Variants in ZHX2 observed in about 807,000 individuals in gnomAD.
The protein encoded by ZHX2 is zinc fingers and homeoboxes protein 2.
ZHX2 carries 6 observed loss-of-function variants against 21.9 expected under a neutral mutation model. The observed-to-expected ratio is 0.27, with a 90% CI of 0.15 to 0.54. The LOEUF (loss-of-function observed/expected upper bound fraction) is 0.54. ZHX2 is among the 20% of genes least tolerant of loss of function. ZHX2 has a pLI of 0.95. For missense variants in ZHX2, 908 were observed against 1,090.7 expected (o/e 0.83, Z 2.36); for synonymous variants, 434 against 437.1 (o/e 0.99, Z 0.09).
At chr8:122,956,514 A>T (rs1237371542) in intron 3 of ZHX2, among the ~76,000 whole-genome samples, 1 of 152,122 alleles carries the variant, frequency 6.6e-6, no homozygotes, top group Non-Finnish European at 1.5e-5. Flanking sequence ...AGGGGATGAG[A>T]AGGAGTTAGC....
intron 2 of ZHX2, among the ~76,000 whole-genome samples, chr8:122,889,914 G>A (rs58105748): frequency 0.049 from 7,489 of 152,108 alleles, 605 homozygotes; most frequent in African/African-American, 0.17. Context: ...CCATTCTGAA[G>A]GCTGTTACTT....
intron 2 of ZHX2, among the ~76,000 whole-genome samples, chr8:122,916,323 C>G (rs1332033387): frequency 6.6e-6 from 1 of 152,176 alleles, no homozygotes; most frequent in Non-Finnish European, 1.5e-5. Context: ...CCTTTTGAGC[C>G]ATCGAGGCTG....
intron 2 of ZHX2, among the ~76,000 whole-genome samples, chr8:122,868,986 A>G (rs1229932521): frequency 2.0e-5 from 3 of 152,192 alleles, no homozygotes; most frequent in Non-Finnish European, 4.4e-5. Flanking sequence ...ATTGAGTGAG[A>G]GCTGGGGCTC....
chr8:122,882,559 C>T (rs1819738293), intron 2 of ZHX2, among the ~76,000 whole-genome samples: 1 of 152,136 alleles, frequency 6.6e-6, no homozygotes, highest in Non-Finnish European at 1.5e-5. Context: ...CCCAAATTCC[C>T]AGAAACAACA....
At chr8:122,908,169 G>C (rs1225683855) in intron 2 of ZHX2, among the ~76,000 whole-genome samples, 1 of 152,088 alleles carries the variant, frequency 6.6e-6, no homozygotes, top group Admixed American at 6.5e-5. Flanking sequence ...GTGAGAGTTG[G>C]AGCATTGTGT....
chr8:122,861,035 CAAAAA>C (rs36046690), intron 1 of ZHX2, among the ~76,000 whole-genome samples: 1 of 66,770 alleles, frequency 1.5e-5, no homozygotes, highest in African/African-American at 6.2e-5. Flanking sequence ...GACTTCGTCT[CAAAAA>C]AAAAAAAAAA....
At chr8:122,790,395 T>C (rs1016570264) in intron 1 of ZHX2, among the ~76,000 whole-genome samples, 4 of 152,158 alleles carry the variant, frequency 2.6e-5, no homozygotes, top group African/African-American at 9.7e-5. Flanking sequence ...CCCGCTTTGA[T>C]TCCTCTTTCC....
At chr8:122,842,637 G>A (rs1204416041) in intron 1 of ZHX2, among the ~76,000 whole-genome samples, 9 of 152,152 alleles carry the variant, frequency 5.9e-5, no homozygotes, top group Non-Finnish European at 1.2e-4. Flanking sequence ...AACCCGGGAG[G>A]CGGAGCTGGC....
intron 3 of ZHX2, among the ~76,000 whole-genome samples, chr8:122,966,561 T>C (rs1813590749): frequency 6.6e-6 from 1 of 152,220 alleles, no homozygotes; most frequent in Non-Finnish European, 1.5e-5. Flanking sequence ...GGTTACCTGA[T>C]GCTTTTGCCT....
chr8:122,858,721 A>G (rs1586333332), intron 1 of ZHX2, among the ~76,000 whole-genome samples: 1 of 144,472 alleles, frequency 6.9e-6, no homozygotes, highest in Admixed American at 7.2e-5. Flanking sequence ...GCTCACTGCA[A>G]CCTCCATCTC....
At chr8:122,836,750 GCT>G (rs1818508494) in intron 1 of ZHX2, among the ~76,000 whole-genome samples, 2 of 152,230 alleles carry the variant, frequency 1.3e-5, no homozygotes, top group Non-Finnish European at 2.9e-5. Flanking sequence ...CTTTCTTCCT[GCT>G]TCTGCTATTT....
chr8:122,949,347 G>C (rs950403759), intron 2 of ZHX2, among the ~76,000 whole-genome samples: 18 of 151,828 alleles, frequency 1.2e-4, no homozygotes, highest in Non-Finnish European at 1.9e-4. Context: ...GAAAATGATA[G>C]ACTGGGAAAA....
chr8:122,937,933 G>GTTTTTTTT lies in ZHX2; in HGVS notation c.-219-13345_-219-13338dup, dbSNP rs71310636. ...ATTATGTTTCCTGGTTTTCTTTTTG[G>GTTTTTTTT]TTTTTTTTTTTTTTTTTTTTTGAGA... On this transcript the variant is annotated intron_variant, in intron 2 of 3. Coordinates refer to ENST00000314393, the MANE Select transcript of ZHX2 (RefSeq NM_014943.5). Among the ~76,000 whole-genome samples, 277 of 73,376 alleles carry GTTTTTTTT rather than the reference G, an allele frequency of 3.8e-3. 16 individuals carry two copies. The highest frequency in any genetic ancestry group is 4.0e-3 in the African/African-American group (71 of 17,548). 48.1% of individuals were successfully genotyped at this position (73,376 alleles called of 152,430 possible).
intron 2 of ZHX2, among the ~76,000 whole-genome samples, chr8:122,865,877 G>T (rs573209934): frequency 6.6e-6 from 1 of 152,276 alleles, no homozygotes; most frequent in East Asian, 1.9e-4. Flanking sequence ...TGCAGGGCAG[G>T]GTCAAGGAAG....
At chr8:122,852,776 G>T (rs989124745) in intron 1 of ZHX2, among the ~76,000 whole-genome samples, 2 of 152,076 alleles carry the variant, frequency 1.3e-5, no homozygotes, top group African/African-American at 2.4e-5. Flanking sequence ...CTAAGCTATG[G>T]GCTTCCTTTC....
intron 1 of ZHX2, among the ~76,000 whole-genome samples, chr8:122,796,284 G>A (rs538040253): frequency 3.3e-5 from 5 of 152,270 alleles, no homozygotes; most frequent in African/African-American, 1.2e-4. Context: ...ACGGGAACTA[G>A]TAACAGCAGC....
At chr8:122,876,525 G>T (rs1262919296) in intron 2 of ZHX2, among the ~76,000 whole-genome samples, 1 of 152,166 alleles carries the variant, frequency 6.6e-6, no homozygotes, top group African/African-American at 2.4e-5. Context: ...ATCCCTGGAT[G>T]CCATTTGTTG....
chr8:122,948,415 T>C (rs1437750446), intron 2 of ZHX2, among the ~76,000 whole-genome samples: 2 of 152,222 alleles, frequency 1.3e-5, no homozygotes, highest in Non-Finnish European at 2.9e-5. Context: ...AAATTGTTCC[T>C]GTACTTCCAA....
At chr8:122,887,081 GT>G (rs1819860916) in intron 2 of ZHX2, among the ~76,000 whole-genome samples, 2 of 150,294 alleles carry the variant, frequency 1.3e-5, no homozygotes, top group Non-Finnish European at 2.9e-5. Flanking sequence ...GTGTGTGTGT[GT>G]GTGTGTGTGT....
Sources: allele counts gnomAD v4.1 joint callset (sites outside exome capture counted in the v4.1 genomes callset), GRCh38; gene constraint gnomAD v4.1.1; transcripts MANE v1.5; gene names NCBI Gene and HGNC (gene_info 2026-07-23, HGNC 2026-07-21).